DNAAF11: variants seen among roughly 807,000 people sequenced by gnomAD.
DNAAF11 encodes dynein axonemal assembly factor 11.
Under a neutral mutation model 60.8 loss-of-function variants are expected in DNAAF11, and 45 were observed. That is an observed-to-expected ratio of 0.74 (90% CI 0.58 to 0.95). DNAAF11 has a LOEUF of 0.95. DNAAF11 is among the 40% of genes least tolerant of loss of function. The pLI is 0.00. For synonymous variants in DNAAF11, 191 were observed against 183.5 expected (o/e 1.04, Z -0.33); for missense variants, 546 against 546.2 (o/e 1.00, Z 0.00).
the DNAAF11 span, among the ~76,000 whole-genome samples, chr8:132,692,921 C>T: frequency 6.6e-6 from 1 of 152,190 alleles, no homozygotes; most frequent in East Asian, 1.9e-4. Flanking sequence ...TAGCTCAGAA[C>T]CAAAAAAGCA....
In DNAAF11 at chr8:132,645,726, A is replaced by T. The variant is rs551594494; in HGVS notation, c.257-7619T>A. 1.2e-4 allele frequency among the ~76,000 whole-genome samples: 19 copies of T among 152,290 alleles called. 1 individual carries two copies. The South Asian group carries it at 3.9e-3, about 32-fold the overall frequency. ...GCTTCAGTAGCCGATCAAGTGGAAG[A>T]AGGGGTATCAGTGACTGAAGATCAA... On this transcript the variant is annotated intron_variant, in intron 3 of 11. Coordinates refer to ENST00000620350, the MANE Select transcript of DNAAF11 (RefSeq NM_012472.6).
intron 3 of DNAAF11, among the ~76,000 whole-genome samples, chr8:132,641,478 C>G (rs1032623312): frequency 2.0e-5 from 3 of 151,924 alleles, no homozygotes; most frequent in Non-Finnish European, 4.4e-5. Flanking sequence ...ATAAAAGATT[C>G]CTTGGCGTGA....
intron 4 of DNAAF11, among the ~76,000 whole-genome samples, chr8:132,636,743 C>G (rs1266563546): frequency 6.6e-6 from 1 of 152,162 alleles, no homozygotes; most frequent in Non-Finnish European, 1.5e-5. Context: ...TAGGAAATCA[C>G]TGTATAATAA....
the DNAAF11 span, among the ~76,000 whole-genome samples, chr8:132,701,612 G>A: frequency 1.3e-5 from 2 of 152,306 alleles, no homozygotes; most frequent in African/African-American, 4.8e-5. Context: ...GGAAGAAAAG[G>A]AAGGTGGGAA....
chr8:132,675,404 C>A lies in DNAAF11; in HGVS notation c.10+80G>T, dbSNP rs1825698816. ...GGGAACCGACAGCGCAGGGCGGGAG[C>A]GGGCGGCGAGGATCCCACGAGACCC... On this transcript the variant is annotated intron_variant, in intron 1 of 11. Coordinates refer to ENST00000620350, the MANE Select transcript of DNAAF11 (RefSeq NM_012472.6). 6 of 1,457,638 alleles carry A rather than the reference C, an allele frequency of 4.1e-6. No individual in the cohort carries two copies. The Admixed American group carries it at 8.1e-5, about 20-fold the overall frequency. The allele number at this position is 1,457,638 out of a possible 1,614,324, so 90.3% of individuals were successfully genotyped here. A position where few individuals can be genotyped will look rare whatever the true frequency, so the allele number is the denominator to read the frequency against.
chr8:132,630,276 T>C (rs1166359542), intron 5 of DNAAF11, among the ~76,000 whole-genome samples: 1 of 152,196 alleles, frequency 6.6e-6, no homozygotes, highest in Non-Finnish European at 1.5e-5. Flanking sequence ...TGTACTCCTA[T>C]GGAACAGTCT....
chr8:132,649,491 G>A (rs1822772081), intron 3 of DNAAF11, among the ~76,000 whole-genome samples: 1 of 152,094 alleles, frequency 6.6e-6, no homozygotes, highest in African/African-American at 2.4e-5. Flanking sequence ...CAAAAGCAAT[G>A]GCAACAAAAG....
At chr8:132,676,949 T>C (rs1232264916), upstream of DNAAF11, among the ~76,000 whole-genome samples, 1 of 152,132 alleles carries the variant, frequency 6.6e-6, no homozygotes, top group East Asian at 1.9e-4. Flanking sequence ...TGAAAGCAGG[T>C]TAGTGTGAGG....
intron 1 of DNAAF11, among the ~76,000 whole-genome samples, chr8:132,662,133 G>C (rs1374832802): frequency 6.6e-6 from 1 of 152,176 alleles, no homozygotes; most frequent in Non-Finnish European, 1.5e-5. Flanking sequence ...AAGCTTAAAA[G>C]AAAGAAAAGG....
chr8:132,573,312 C>A (rs182046048), intron 11 of DNAAF11, among the ~76,000 whole-genome samples: 1 of 152,218 alleles, frequency 6.6e-6, no homozygotes, highest in Non-Finnish European at 1.5e-5. Context: ...TGAACAGATA[C>A]GTGTTAAATA....
intron 3 of DNAAF11, among the ~76,000 whole-genome samples, chr8:132,654,946 A>T (rs1199429061): frequency 6.6e-6 from 1 of 152,020 alleles, no homozygotes; most frequent in Non-Finnish European, 1.5e-5. Context: ...ATATAAAACA[A>T]TAGACAAAAT....
chr8:132,688,410 A>G, the DNAAF11 span, among the ~76,000 whole-genome samples: 1 of 152,156 alleles, frequency 6.6e-6, no homozygotes. Flanking sequence ...TCTACTCTCC[A>G]TGAGGGTTTG....
At position 132,646,320 on chromosome 8, in the gene DNAAF11, A is replaced by G. The variant is rs1045845401; in HGVS notation, c.257-8213T>C. Among the ~76,000 whole-genome samples the G allele has an allele frequency of 1.4e-4, 22 of 152,328 alleles. No individual in the cohort carries two copies. The East Asian group carries it at 4.2e-3, about 29-fold the overall frequency. On this transcript the variant is annotated intron_variant, in intron 3 of 11. Transcript: ENST00000620350. The stretch of plus-strand genomic sequence containing the variant: ...TTGTCACCACCAGGCCTGCCTTACA[A>G]GAGCTCCTGAAGGAAGCACTAAACA...
the DNAAF11 span, chr8:132,685,132 T>G: frequency 6.6e-6 from 1 of 152,204 alleles, no homozygotes; most frequent in Non-Finnish European, 1.5e-5. Context: ...AGAAAAAAAC[T>G]AAGAAACATA....
chr8:132,617,007 G>A (rs755766831), intron 7 of DNAAF11, among the ~76,000 whole-genome samples: 1 of 152,180 alleles, frequency 6.6e-6, no homozygotes, highest in Admixed American at 6.5e-5. Context: ...GGAAAGGTAC[G>A]GTATATCTTG....
At chr8:132,623,466 C>T (rs1282838783) in intron 6 of DNAAF11, among the ~76,000 whole-genome samples, 2 of 151,544 alleles carry the variant, frequency 1.3e-5, no homozygotes, top group African/African-American at 4.8e-5. Context: ...CCTGTTAACA[C>T]TCATTACACT....
Position 132,609,355 on chromosome 8 carries a change from A to G in DNAAF11, c.1140+811T>C, listed in dbSNP as rs191163023. On this transcript the variant is annotated intron_variant, in intron 10 of 11. Coordinates refer to ENST00000620350, the MANE Select transcript of DNAAF11 (RefSeq NM_012472.6). ...TGTATTGTCTCGGGAATCAAGAAAA[A>G]AAAAAAAAGCCTGTACATGTTCAGT... 2.6e-5 allele frequency among the ~76,000 whole-genome samples: 4 copies of G among 152,212 alleles called. No individual in the cohort carries two copies. In the East Asian group the frequency reaches 5.8e-4, roughly 22 times the overall value.
the DNAAF11 span, among the ~76,000 whole-genome samples, chr8:132,694,366 A>G: frequency 2.0e-5 from 3 of 152,204 alleles, no homozygotes; most frequent in Non-Finnish European, 2.9e-5. Flanking sequence ...TAAGAAGGGG[A>G]AAAATTGGAC....
upstream of DNAAF11, among the ~76,000 whole-genome samples, chr8:132,678,127 C>G (rs887813661): frequency 6.6e-6 from 1 of 152,150 alleles, no homozygotes; most frequent in Non-Finnish European, 1.5e-5. Flanking sequence ...AACTTTCTAT[C>G]TGAGGAATGG....
Sources: gnomAD v4.1 joint callset for allele counts (sites outside exome capture counted in the v4.1 genomes callset) on GRCh38, gnomAD v4.1.1 for gene constraint, MANE v1.5 for transcripts, NCBI Gene and HGNC (gene_info 2026-07-23, HGNC 2026-07-21) for gene names.